UBE2R2: variants seen among roughly 807,000 people sequenced by gnomAD.
The protein encoded by UBE2R2 is ubiquitin-conjugating enzyme E2 R2.
UBE2R2 carries 1 observed loss-of-function variant against 27.8 expected under a neutral mutation model. The ratio of observed to expected loss-of-function variants is 0.04; its 90% CI spans 0.01 to 0.17. UBE2R2 has a LOEUF of 0.17. UBE2R2 is among the 10% of genes least tolerant of loss of function. UBE2R2 has a pLI of 1.00. For missense variants in UBE2R2, 100 were observed against 291.0 expected, an observed-to-expected ratio of 0.34 and a Z score of 4.78; for synonymous variants, 106 against 113.3, an observed-to-expected ratio of 0.94 and a Z score of 0.41.
At chr9:33,903,061 T>C (rs1014592678) in intron 3 of UBE2R2, among the ~76,000 whole-genome samples, 2 of 151,662 alleles carry the variant, frequency 1.3e-5, no homozygotes, top group South Asian at 2.1e-4. Flanking sequence ...ATCGTGCCAC[T>C]GCACTCCAGC....
At chr9:33,860,176 C>A (rs1050325131) in intron 1 of UBE2R2, among the ~76,000 whole-genome samples, 2 of 151,068 alleles carry the variant, frequency 1.3e-5, no homozygotes, top group African/African-American at 4.9e-5. Context: ...AAAGGAAGTT[C>A]TTTTGATTGG....
intron 1 of UBE2R2, among the ~76,000 whole-genome samples, chr9:33,842,379 CAG>C (rs953979755): frequency 1.4e-4 from 22 of 152,130 alleles, no homozygotes; most frequent in African/African-American, 5.1e-4. Flanking sequence ...CCTGGGGTGA[CAG>C]ATTTATATTA....
At chr9:33,840,346 G>A (rs1004880140) in intron 1 of UBE2R2, among the ~76,000 whole-genome samples, 1 of 152,014 alleles carries the variant, frequency 6.6e-6, no homozygotes, top group African/African-American at 2.4e-5. Context: ...TTATCACCGT[G>A]TACATTCTTA....
At chr9:33,829,578 ACC>A (rs1820398730) in intron 1 of UBE2R2, among the ~76,000 whole-genome samples, 2 of 152,146 alleles carry the variant, frequency 1.3e-5, no homozygotes, top group Admixed American at 6.6e-5. Context: ...ATGATATAGT[ACC>A]TCTGAAAGTG....
intron 3 of UBE2R2, among the ~76,000 whole-genome samples, chr9:33,908,423 G>T (rs1409275644): frequency 6.6e-6 from 1 of 152,168 alleles, no homozygotes; most frequent in Non-Finnish European, 1.5e-5. Flanking sequence ...TGTATAGGAG[G>T]TGTGGCACAA....
intron 3 of UBE2R2, among the ~76,000 whole-genome samples, chr9:33,901,817 C>CA (rs1208521075): frequency 2.0e-5 from 3 of 151,492 alleles, no homozygotes; most frequent in East Asian, 1.9e-4. Context: ...TTTTTTAAGA[C>CA]AAAAAATGTT....
intron 2 of UBE2R2, among the ~76,000 whole-genome samples, chr9:33,894,585 C>T (rs1325181670): frequency 1.3e-5 from 2 of 152,068 alleles, no homozygotes; most frequent in South Asian, 2.1e-4. Flanking sequence ...AAGTGTGTGC[C>T]ACTACACCTG....
chr9:33,890,174 A>C (rs1045530659), intron 2 of UBE2R2, among the ~76,000 whole-genome samples: 3 of 152,170 alleles, frequency 2.0e-5, no homozygotes, highest in African/African-American at 7.2e-5. Flanking sequence ...CTTTCAAGAG[A>C]TACCATTAGA....
chr9:33,887,738 C>T (rs993490624), intron 2 of UBE2R2, among the ~76,000 whole-genome samples: 2 of 152,174 alleles, frequency 1.3e-5, no homozygotes, highest in African/African-American at 4.8e-5. Context: ...GTGGCGCAAT[C>T]TCGCTCACTG....
intron 3 of UBE2R2, 102 bp from the exon 4 acceptor site, chr9:33,911,858 AAGGG>A (rs1362687570): frequency 1.5e-5 from 17 of 1,102,252 alleles, no homozygotes; most frequent in Middle Eastern, 2.4e-4. Context: ...GAAAAATTTT[AAGGG>A]AGGGAGAATT....
At chr9:33,915,679 C>T (rs1432663999) in intron 4 of UBE2R2, among the ~76,000 whole-genome samples, 2 of 152,146 alleles carry the variant, frequency 1.3e-5, no homozygotes, top group African/African-American at 4.8e-5. Context: ...ATTTATTGCA[C>T]ACCTCTTATG....
In UBE2R2 at chr9:33,917,717, A is replaced by G. The variant is rs3824461; in HGVS notation, c.*480A>G. 8.9e-4 allele frequency: 162 copies of G among 181,418 alleles called. No individual in the cohort carries two copies. The highest frequency in any genetic ancestry group is 1.2e-3 in the Non-Finnish European group (108 of 86,880). 11.2% of individuals were successfully genotyped at this position (181,418 alleles called of 1,614,324 possible). ...AAACAAACTTTAAAAAAAAAAAAAA[A>G]CAAATTTGCCAAGGTTTAGCTGCTC... On this transcript the variant is annotated 3_prime_UTR_variant, in exon 5 of 5. Coordinates refer to ENST00000263228, the MANE Select transcript of UBE2R2 (RefSeq NM_017811.4).
At chr9:33,832,421 C>G (rs1820513010) in intron 1 of UBE2R2, among the ~76,000 whole-genome samples, 2 of 151,722 alleles carry the variant, frequency 1.3e-5, no homozygotes, top group South Asian at 4.2e-4. Context: ...CTTTGGTAGG[C>G]TGAGGTGGGC....
intron 1 of UBE2R2, among the ~76,000 whole-genome samples, chr9:33,822,906 A>ATTT (rs542620697): frequency 0.19 from 23,904 of 127,644 alleles, 2,525 homozygotes; most frequent in South Asian, 0.33. Context: ...CTTCTTATTA[A>ATTT]TTTTTTTTTT....
Position 33,826,147 on chromosome 9 carries a change from A to G in UBE2R2, c.177+8213A>G, listed in dbSNP as rs566207938. Among the ~76,000 whole-genome samples, 164 of 144,374 alleles carry G rather than the reference A, an allele frequency of 1.1e-3. 1 individual carries two copies. The highest frequency in any genetic ancestry group is 4.0e-3 in the African/African-American group (157 of 39,650). The allele number at this position is 144,374 out of a possible 152,430, so 94.7% of individuals were successfully genotyped here. A position where few individuals can be genotyped will look rare whatever the true frequency, so the allele number is the denominator to read the frequency against. ...AGCAACAGAATGGGACTCTGTCTCA[A>G]AAAAAAAAAAAAAAATCCTACAGAG... On this transcript the variant is annotated intron_variant, in intron 1 of 4. Transcript: ENST00000263228.
At chr9:33,901,027 G>A (rs1347874709) in intron 3 of UBE2R2, among the ~76,000 whole-genome samples, 2 of 152,118 alleles carry the variant, frequency 1.3e-5, no homozygotes, top group Non-Finnish European at 2.9e-5. Flanking sequence ...GTGATCACAG[G>A]TCACTGCAGC....
chr9:33,819,190 C>T (rs1229665026), intron 1 of UBE2R2, among the ~76,000 whole-genome samples: 1 of 152,116 alleles, frequency 6.6e-6, no homozygotes, highest in Non-Finnish European at 1.5e-5. Flanking sequence ...TATCTTGGCA[C>T]AAGTTTTAAA....
At chr9:33,908,423 G>A (rs1409275644) in intron 3 of UBE2R2, among the ~76,000 whole-genome samples, 1 of 152,168 alleles carries the variant, frequency 6.6e-6, no homozygotes, top group African/African-American at 2.4e-5. Flanking sequence ...TGTATAGGAG[G>A]TGTGGCACAA....
intron 1 of UBE2R2, among the ~76,000 whole-genome samples, chr9:33,863,181 A>C (rs1821282125): frequency 7.7e-6 from 1 of 130,228 alleles, no homozygotes; most frequent in Admixed American, 7.8e-5. Context: ...ACAGAGCGAG[A>C]CTCCCTCAAA....
Sources: allele counts gnomAD v4.1 joint callset (sites outside exome capture counted in the v4.1 genomes callset), GRCh38; gene constraint gnomAD v4.1.1; transcripts MANE v1.5; gene names NCBI Gene and HGNC (gene_info 2026-07-23, HGNC 2026-07-21).